Variants in CTDSPL observed in about 807,000 individuals in gnomAD.
CTDSPL encodes CTD small phosphatase like.
Under a neutral mutation model 30.5 loss-of-function variants are expected in CTDSPL, and 8 were observed. That is an observed-to-expected ratio of 0.26 (90% CI 0.15 to 0.47). The LOEUF (loss-of-function observed/expected upper bound fraction) is 0.47. Among genes scored for constraint, CTDSPL ranks in the 20% least tolerant of loss-of-function variants. CTDSPL has a pLI of 0.99. For synonymous variants in CTDSPL, 110 were observed against 137.9 expected (o/e 0.80, Z 1.42); for missense variants, 248 against 366.1 (o/e 0.68, Z 2.63).
rs978816065 is a variant in CTDSPL, at chr3:37,984,213, C to T, written c.*3346C>T. The T allele has an allele frequency of 8.8e-6, 4 of 456,698 alleles. No individual in the cohort carries two copies. The highest frequency in any genetic ancestry group is 1.8e-5 in the Non-Finnish European group (4 of 227,024). The allele number at this position is 456,698 out of a possible 1,614,324, so 28.3% of individuals were successfully genotyped here. A position where few individuals can be genotyped will look rare whatever the true frequency, so the allele number is the denominator to read the frequency against. ...TGCCTCTGTTCCTACTGTACTGTAA[C>T]TTTGATCATGTCTGTTCCTGTTCCA... is the stretch of plus-strand genomic sequence containing the variant. On this transcript the variant is annotated 3_prime_UTR_variant, in exon 8 of 8. Coordinates refer to ENST00000273179, the MANE Select transcript of CTDSPL (RefSeq NM_001008392.2).
At chr3:37,979,317 A>G (rs2125636766) in intron 7 of CTDSPL, among the ~76,000 whole-genome samples, 1 of 152,124 alleles carries the variant, frequency 6.6e-6, no homozygotes. Flanking sequence ...AAAAGAAAAA[A>G]AAAAGGCTGG....
intron 6 of CTDSPL, among the ~76,000 whole-genome samples, chr3:37,974,726 C>T (rs1169845789): frequency 2.0e-5 from 3 of 152,228 alleles, no homozygotes; most frequent in East Asian, 1.9e-4. Flanking sequence ...CCATCCAGCT[C>T]CTGGGCTTCA....
intron 1 of CTDSPL, among the ~76,000 whole-genome samples, chr3:37,929,407 A>G (rs931023424): frequency 9.2e-5 from 14 of 152,034 alleles, no homozygotes; most frequent in Non-Finnish European, 1.9e-4. Context: ...TAGGTCTTCC[A>G]CTCCATGAAC....
intron 1 of CTDSPL, among the ~76,000 whole-genome samples, chr3:37,885,020 A>G (rs62239965): frequency 0.059 from 8,957 of 152,206 alleles, 295 homozygotes; most frequent in African/African-American, 0.081. Flanking sequence ...AGGGAGCCCA[A>G]CAGAGCATGA....
chr3:37,904,306 A>G (rs1020800820), intron 1 of CTDSPL, among the ~76,000 whole-genome samples: 6 of 152,174 alleles, frequency 3.9e-5, no homozygotes, highest in Non-Finnish European at 8.8e-5. Flanking sequence ...AAGGGTCTGC[A>G]CTTGGCCCCT....
intron 1 of CTDSPL, chr3:37,944,810 C>G (rs1249894014): frequency 1.3e-5 from 2 of 150,392 alleles, no homozygotes; most frequent in African/African-American, 4.8e-5. Flanking sequence ...CCTGGGTAAG[C>G]TCCCTTTCCC....
At chr3:37,879,412 T>C (rs1054792107) in intron 1 of CTDSPL, among the ~76,000 whole-genome samples, 1 of 152,184 alleles carries the variant, frequency 6.6e-6, no homozygotes, top group Non-Finnish European at 1.5e-5. Context: ...AGCTCTGAAA[T>C]GTTGGATTAA....
At chr3:37,912,632 C>G (rs1195982373) in intron 1 of CTDSPL, among the ~76,000 whole-genome samples, 2 of 152,200 alleles carry the variant, frequency 1.3e-5, no homozygotes, top group African/African-American at 2.4e-5. Context: ...GCACTGGAAT[C>G]CAGTTATTTT....
At chr3:37,906,513 G>GA (rs1698517393) in intron 1 of CTDSPL, among the ~76,000 whole-genome samples, 1 of 152,136 alleles carries the variant, frequency 6.6e-6, no homozygotes, top group African/African-American at 2.4e-5. Context: ...TTCCAGCTCT[G>GA]AAAAAAGATG....
chr3:37,967,981 T>C (rs1393051311), intron 5 of CTDSPL, 99 bp downstream of exon 5: 1 of 822,184 alleles, frequency 1.2e-6, no homozygotes, highest in Non-Finnish European at 1.9e-6. Flanking sequence ...GTAATAACTT[T>C]ATTACGGAAT....
intron 1 of CTDSPL, among the ~76,000 whole-genome samples, chr3:37,923,960 T>G (rs902760751): frequency 2.6e-5 from 4 of 152,330 alleles, no homozygotes; most frequent in Admixed American, 2.6e-4. Flanking sequence ...TGAGTATGCA[T>G]GAGAGCTGAT....
At chr3:37,863,320 A>G (rs1316693981) in intron 1 of CTDSPL, among the ~76,000 whole-genome samples, 1 of 152,122 alleles carries the variant, frequency 6.6e-6, no homozygotes, top group African/African-American at 2.4e-5. Context: ...ATTTTGGCAC[A>G]TTTTGACCCC....
intron 2 of CTDSPL, among the ~76,000 whole-genome samples, chr3:37,953,935 T>C (rs940032705): frequency 3.3e-5 from 5 of 152,176 alleles, no homozygotes; most frequent in African/African-American, 1.2e-4. Context: ...ACTGTTTACA[T>C]AGAAAACCCA....
rs1559645058 is a variant in CTDSPL, at chr3:37,960,494, A to AT, written c.267+3351_267+3352insT. Among the ~76,000 whole-genome samples, 5 of 62,336 alleles carry AT rather than the reference A, an allele frequency of 8.0e-5. 1 individual carries two copies. Among genetic ancestry groups the AT allele is most frequent in the African/African-American group, 3.7e-4 (5 of 13,608 alleles). 40.9% of individuals were successfully genotyped at this position (62,336 alleles called of 152,430 possible). A position where few individuals can be genotyped will look rare whatever the true frequency, so the allele number is the denominator to read the frequency against. ...AAACTCTGTCTCAAAAAAAAAAAAA[A>AT]AAAAAAAAAAAATATATATATATAT... is the stretch of plus-strand genomic sequence containing the variant. On this transcript the variant is annotated intron_variant, in intron 3 of 7. Coordinates refer to ENST00000273179, the MANE Select transcript of CTDSPL (RefSeq NM_001008392.2).
chr3:37,903,426 G>A (rs926329422), intron 1 of CTDSPL, among the ~76,000 whole-genome samples: 7 of 152,292 alleles, frequency 4.6e-5, no homozygotes, highest in South Asian at 4.1e-4. Flanking sequence ...TGAGGTATGA[G>A]GCTGATTTTG....
intron 2 of CTDSPL, among the ~76,000 whole-genome samples, chr3:37,953,423 A>G (rs918476263): frequency 5.3e-5 from 8 of 152,244 alleles, no homozygotes; most frequent in Non-Finnish European, 1.2e-4. Flanking sequence ...AGTAAGTCAC[A>G]TGACTGCATC....
chr3:37,932,489 A>G (rs1698865794), intron 1 of CTDSPL, among the ~76,000 whole-genome samples: 1 of 152,250 alleles, frequency 6.6e-6, no homozygotes, highest in South Asian at 2.1e-4. Flanking sequence ...AATCAAAGAA[A>G]AAATAGAAAA....
chr3:37,890,914 A>G (rs983267965), intron 1 of CTDSPL, among the ~76,000 whole-genome samples: 1 of 152,228 alleles, frequency 6.6e-6, no homozygotes, highest in East Asian at 1.9e-4. Context: ...CCACCTTGTT[A>G]TTGAGACAAC....
At chr3:37,928,792 C>T (rs1328399517) in intron 1 of CTDSPL, among the ~76,000 whole-genome samples, 1 of 152,122 alleles carries the variant, frequency 6.6e-6, no homozygotes, top group African/African-American at 2.4e-5. Context: ...GATGTAGTGC[C>T]ACTTGTCTAT....
Sources: allele counts gnomAD v4.1 joint callset (sites outside exome capture counted in the v4.1 genomes callset), GRCh38; gene constraint gnomAD v4.1.1; transcripts MANE v1.5; gene names NCBI Gene and HGNC (gene_info 2026-07-23, HGNC 2026-07-21).